The following SLC35F1 variants were observed in gnomAD, a reference collection of about 807,000 sequenced individuals.
The protein encoded by SLC35F1 is chromosome 6 open reading frame 169.
SLC35F1 carries 14 observed loss-of-function variants against 48.7 expected under a neutral mutation model. The observed-to-expected ratio is 0.29, with a 90% CI of 0.19 to 0.45. The LOEUF is 0.45. Ranked by LOEUF, SLC35F1 falls within the 20% of genes least tolerant of loss-of-function variation. The pLI, the probability that SLC35F1 is intolerant of heterozygous loss-of-function variation, is 1.00. For synonymous variants in SLC35F1, 190 were observed against 202.2 expected (o/e 0.94, Z 0.51); for missense variants, 404 against 500.0 (o/e 0.81, Z 1.83).
intron 3 of SLC35F1, among the ~76,000 whole-genome samples, chr6:118,240,293 A>G (rs1374684711): frequency 6.6e-6 from 1 of 152,238 alleles, no homozygotes; most frequent in African/African-American, 2.4e-5. Context: ...AGAAAAGTCA[A>G]GAAAGTGTCC....
At chr6:118,261,532 T>A (rs1318414559) in intron 3 of SLC35F1, among the ~76,000 whole-genome samples, 2 of 152,162 alleles carry the variant, frequency 1.3e-5, no homozygotes, top group Non-Finnish European at 2.9e-5. Flanking sequence ...GTCAGCAGGA[T>A]TTAGGGCCCA....
At chr6:118,084,177 A>C (rs1772951462) in intron 1 of SLC35F1, among the ~76,000 whole-genome samples, 2 of 152,250 alleles carry the variant, frequency 1.3e-5, no homozygotes, top group Middle Eastern at 3.4e-3. Context: ...CAGATCCTTG[A>C]TCCTTAGGTA....
At chr6:118,245,708 C>T (rs988106306) in intron 3 of SLC35F1, among the ~76,000 whole-genome samples, 1 of 152,208 alleles carries the variant, frequency 6.6e-6, no homozygotes, top group African/African-American at 2.4e-5. Flanking sequence ...GATGTCTAAA[C>T]ATCTTCCAGC....
intron 1 of SLC35F1, among the ~76,000 whole-genome samples, chr6:118,139,839 C>T (rs1000202151): frequency 4.6e-5 from 7 of 152,144 alleles, no homozygotes; most frequent in Non-Finnish European, 7.3e-5. Context: ...ATTATTGCTG[C>T]TGTTATATCA....
intron 1 of SLC35F1, among the ~76,000 whole-genome samples, chr6:118,056,367 G>T (rs1339208603): frequency 6.6e-6 from 1 of 152,024 alleles, no homozygotes; most frequent in African/African-American, 2.4e-5. Flanking sequence ...CATAGTGTAA[G>T]CAGATAAATA....
chr6:118,109,649 G>T (rs1485641762), intron 1 of SLC35F1, among the ~76,000 whole-genome samples: 1 of 142,122 alleles, frequency 7.0e-6, no homozygotes, highest in East Asian at 2.3e-4. Flanking sequence ...ACAAACATTT[G>T]CTGGAAAAAA....
intron 3 of SLC35F1, among the ~76,000 whole-genome samples, chr6:118,243,941 C>T (rs1262401817): frequency 1.3e-5 from 2 of 152,118 alleles, no homozygotes; most frequent in African/African-American, 4.8e-5. Context: ...AAGTGCTTGC[C>T]CCCAAAGGGA....
intron 1 of SLC35F1, among the ~76,000 whole-genome samples, chr6:117,999,933 G>T (rs1277922757): frequency 1.3e-5 from 2 of 151,860 alleles, no homozygotes; most frequent in Non-Finnish European, 2.9e-5. Context: ...CCAATAACAG[G>T]CTCTGAAATT....
At chr6:117,948,100 G>A (rs899952707) in intron 1 of SLC35F1, among the ~76,000 whole-genome samples, 2 of 152,138 alleles carry the variant, frequency 1.3e-5, no homozygotes, top group African/African-American at 4.8e-5. Context: ...TGACATTCAA[G>A]GAATCTGAAA....
At chr6:118,296,903 G>A (rs1315440046) in intron 7 of SLC35F1, among the ~76,000 whole-genome samples, 1 of 152,136 alleles carries the variant, frequency 6.6e-6, no homozygotes, top group Non-Finnish European at 1.5e-5. Context: ...AATTTTGTCA[G>A]CAGACCTGTG....
chr6:118,080,529 G>A (rs1177009149), intron 1 of SLC35F1, among the ~76,000 whole-genome samples: 1 of 152,170 alleles, frequency 6.6e-6, no homozygotes, highest in East Asian at 1.9e-4. Context: ...TGATAAATTG[G>A]CTGCATAGTA....
intron 1 of SLC35F1, among the ~76,000 whole-genome samples, chr6:118,111,144 A>G (rs1181070481): frequency 2.0e-5 from 3 of 152,212 alleles, no homozygotes; most frequent in Non-Finnish European, 4.4e-5. Context: ...CCAGAGGGAA[A>G]AGAAAGACAA....
At chr6:118,144,652 G>GTT (rs1773944984) in intron 1 of SLC35F1, among the ~76,000 whole-genome samples, 1 of 150,168 alleles carries the variant, frequency 6.7e-6, no homozygotes, top group South Asian at 2.1e-4. Context: ...TGTCTCTAAA[G>GTT]TAAGAGTTCA....
intron 1 of SLC35F1, among the ~76,000 whole-genome samples, chr6:118,126,470 T>G (rs1773626188): frequency 6.6e-6 from 1 of 152,136 alleles, no homozygotes; most frequent in Non-Finnish European, 1.5e-5. Flanking sequence ...GCGGGCTCTT[T>G]TTTGGTTCCA....
chr6:118,168,387 A>G (rs1015541935), intron 2 of SLC35F1, among the ~76,000 whole-genome samples: 3 of 152,198 alleles, frequency 2.0e-5, no homozygotes, highest in African/African-American at 2.4e-5. Context: ...TCCTATACAT[A>G]CAGGAATACC....
chr6:118,178,723 ACT>A (rs1270290658), intron 2 of SLC35F1, among the ~76,000 whole-genome samples: 1 of 151,840 alleles, frequency 6.6e-6, no homozygotes, highest in Non-Finnish European at 1.5e-5. Flanking sequence ...GAAAAAGATA[ACT>A]CTCTTATGTT....
intron 1 of SLC35F1, among the ~76,000 whole-genome samples, chr6:118,132,694 G>C (rs796582028): frequency 7.9e-5 from 12 of 152,186 alleles, no homozygotes; most frequent in African/African-American, 2.9e-4. Context: ...TTATTTTGTG[G>C]CACATATTCT....
At chr6:118,095,969 C>A (rs1478829176) in intron 1 of SLC35F1, among the ~76,000 whole-genome samples, 1 of 152,120 alleles carries the variant, frequency 6.6e-6, no homozygotes, top group Non-Finnish European at 1.5e-5. Context: ...ACTTGGATCT[C>A]TGATTTACTA....
chr6:118,232,905 C>G (rs1020334710), intron 2 of SLC35F1, among the ~76,000 whole-genome samples: 1 of 152,030 alleles, frequency 6.6e-6, no homozygotes, highest in Non-Finnish European at 1.5e-5. Context: ...GCACAGGCCC[C>G]CACCCAAGAC....
Sources: allele counts gnomAD v4.1 joint callset (sites outside exome capture counted in the v4.1 genomes callset), GRCh38; gene constraint gnomAD v4.1.1; transcripts MANE v1.5; gene names NCBI Gene and HGNC (gene_info 2026-07-23, HGNC 2026-07-21).